DCLK2: variants seen among roughly 807,000 people sequenced by gnomAD.
The protein encoded by DCLK2 is doublecortin like kinase 2, also known as serine/threonine-protein kinase DCLK2.
In DCLK2, 31 loss-of-function variants were observed where a neutral mutation model predicts 78.4. The ratio of observed to expected loss-of-function variants is 0.40; its 90% CI spans 0.30 to 0.53. The LOEUF (loss-of-function observed/expected upper bound fraction) is 0.53, where lower values mean the gene tolerates loss of function less well. Among genes scored for constraint, DCLK2 ranks in the 20% least tolerant of loss-of-function variants. DCLK2 has a pLI of 0.61. For missense variants in DCLK2, 872 were observed against 973.7 expected (o/e 0.90, Z 1.39); for synonymous variants, 407 against 374.9 (o/e 1.09, Z -0.99).
At chr4:150,104,420 A>AAAAAAAAAAAAAAAAAC (rs1364101584) in intron 2 of DCLK2, among the ~76,000 whole-genome samples, 1 of 140,008 alleles carries the variant, frequency 7.1e-6, no homozygotes, top group Non-Finnish European at 1.6e-5. Flanking sequence ...AAAAAAAAAA[A>AAAAAAAAAAAAAAAAAC]AAATCGAGCA....
intron 5 of DCLK2, among the ~76,000 whole-genome samples, chr4:150,208,417 TTTTGTTTTG>T (rs1740018773): frequency 1.3e-5 from 2 of 151,008 alleles, no homozygotes; most frequent in South Asian, 4.2e-4. Context: ...TTTTGTTTTG[TTTTGTTTTG>T]TTTGTTTTGT....
chr4:150,112,677 G>C (rs1045624067), intron 2 of DCLK2, among the ~76,000 whole-genome samples: 2 of 151,612 alleles, frequency 1.3e-5, no homozygotes, highest in African/African-American at 2.4e-5. Flanking sequence ...TGCTTTTTCT[G>C]CATCGATTGA....
chr4:150,256,304 C>T lies in DCLK2; in HGVS notation c.*57C>T, dbSNP rs1368145336. ...CAGCCCAGGAAGCCAGCCCTCTGCT[C>T]GGCCTCGCCGGCCTCCCTGCTGCAG... On this transcript the variant is annotated 3_prime_UTR_variant, in exon 16 of 16. Coordinates refer to ENST00000296550, the MANE Select transcript of DCLK2 (RefSeq NM_001040260.4). 7.6e-6 allele frequency: 11 copies of T among 1,444,572 alleles called. No individual in the cohort carries two copies. The highest frequency in any genetic ancestry group is 2.9e-5 in the African/African-American group (2 of 69,586). The allele number at this position is 1,444,572 out of a possible 1,614,324, so 89.5% of individuals were successfully genotyped here. A position where few individuals can be genotyped will look rare whatever the true frequency, so the allele number is the denominator to read the frequency against.
At chr4:150,175,080 ATT>A (rs1736912337) in intron 2 of DCLK2, among the ~76,000 whole-genome samples, 1 of 7,250 alleles carries the variant, frequency 1.4e-4, no homozygotes, top group African/African-American at 2.8e-4. Flanking sequence ...ATATTTATAT[ATT>A]TATATATATA....
At chr4:150,233,528 G>T (rs1254925151) in intron 10 of DCLK2, among the ~76,000 whole-genome samples, 1 of 152,208 alleles carries the variant, frequency 6.6e-6, no homozygotes, top group Admixed American at 6.5e-5. Context: ...ATAGGAGACA[G>T]GAGTAGAATG....
chr4:150,231,206 A>G lies in DCLK2; in HGVS notation c.1300-1131A>G, dbSNP rs116418935. ...ACTGTTTCCAAGGATAAAGTGTTCA[A>G]ACATTACACAAGTACCTTACACAGC... On this transcript the variant is annotated intron_variant, in intron 8 of 15. Coordinates refer to ENST00000296550, the MANE Select transcript of DCLK2 (RefSeq NM_001040260.4). 3.5e-3 allele frequency among the ~76,000 whole-genome samples: 528 copies of G among 152,342 alleles called. 3 individuals carry two copies. Among genetic ancestry groups the G allele is most frequent in the African/African-American group, 0.012 (508 of 41,584 alleles).
At position 150,081,790 on chromosome 4, in the gene DCLK2, G is replaced by A. The variant is rs567371774; in HGVS notation, c.421+2342G>A. Among the ~76,000 whole-genome samples the A allele has an allele frequency of 2.0e-5, 3 of 149,766 alleles. No homozygotes were observed. In the South Asian group the frequency reaches 6.3e-4, roughly 32 times the overall value. On this transcript the variant is annotated intron_variant, in intron 1 of 15. Coordinates refer to ENST00000296550, the MANE Select transcript of DCLK2 (RefSeq NM_001040260.4). The stretch of plus-strand genomic sequence containing the variant: ...GTGGATCACCTGAGGTCAGGAGTTC[G>A]AGACCAGCCTGACAAACAAGGTGAA...
At chr4:150,159,828 G>A (rs912288819) in intron 2 of DCLK2, among the ~76,000 whole-genome samples, 29 of 152,038 alleles carry the variant, frequency 1.9e-4, no homozygotes, top group African/African-American at 5.3e-4. Context: ...GAGAGAACAC[G>A]TTTTCATATG....
At chr4:150,128,658 A>G (rs7695751) in intron 2 of DCLK2, among the ~76,000 whole-genome samples, 1 of 151,980 alleles carries the variant, frequency 6.6e-6, no homozygotes, top group Non-Finnish European at 1.5e-5. Flanking sequence ...GCTTATGGGA[A>G]GTAGCTCCTA....
chr4:150,105,214 G>GA (rs1731171042), intron 2 of DCLK2, among the ~76,000 whole-genome samples: 1 of 152,054 alleles, frequency 6.6e-6, no homozygotes, highest in African/African-American at 2.4e-5. Context: ...AACGTAATGG[G>GA]AAAATCACAA....
intron 1 of DCLK2, among the ~76,000 whole-genome samples, chr4:150,092,241 G>A (rs1400097221): frequency 6.6e-6 from 1 of 152,044 alleles, no homozygotes; most frequent in Non-Finnish European, 1.5e-5. Flanking sequence ...TCATATCTTA[G>A]CTATTGTGAA....
intron 15 of DCLK2, 86 bp downstream of exon 15, chr4:150,249,770 G>C: frequency 3.7e-6 from 4 of 1,080,226 alleles, no homozygotes; most frequent in Non-Finnish European, 5.7e-6. Flanking sequence ...CCCTCACATG[G>C]AAGTTGGTGC....
intron 2 of DCLK2, among the ~76,000 whole-genome samples, chr4:150,107,029 T>A (rs1228714849): frequency 2.0e-5 from 3 of 152,178 alleles, no homozygotes; most frequent in Non-Finnish European, 2.9e-5. Context: ...CTGAAGTCAT[T>A]TTTTGATTGT....
At chr4:150,161,273 T>C (rs1022906699) in intron 2 of DCLK2, among the ~76,000 whole-genome samples, 3 of 152,210 alleles carry the variant, frequency 2.0e-5, no homozygotes, top group African/African-American at 7.2e-5. Flanking sequence ...GTAATAAATG[T>C]GTTTTCTATT....
chr4:150,220,317 A>G (rs1275424808), intron 5 of DCLK2, among the ~76,000 whole-genome samples: 1 of 152,202 alleles, frequency 6.6e-6, no homozygotes, highest in Non-Finnish European at 1.5e-5. Context: ...AGGAAATAAA[A>G]TGATTAAACT....
chr4:150,169,523 G>A (rs1057220632), intron 2 of DCLK2, among the ~76,000 whole-genome samples: 3 of 152,112 alleles, frequency 2.0e-5, no homozygotes, highest in African/African-American at 7.2e-5. Flanking sequence ...CCAGTGTGGT[G>A]GCAGGCACCT....
At chr4:150,252,196 G>A (rs1001077696) in intron 15 of DCLK2, among the ~76,000 whole-genome samples, 1 of 152,230 alleles carries the variant, frequency 6.6e-6, no homozygotes, top group Non-Finnish European at 1.5e-5. Context: ...CCTTGCGAGA[G>A]CTAGCATTGA....
chr4:150,079,150 G>C lies in DCLK2; in HGVS notation c.123G>C (p.Gly41=), dbSNP rs1729043668. The C allele has an allele frequency of 1.2e-6, 2 of 1,601,402 alleles. No individual in the cohort carries two copies. Among genetic ancestry groups the C allele is most frequent in the Non-Finnish European group, 8.5e-7 (1 of 1,173,984 alleles). The change falls in exon 1 of 16, where the codon GGG becomes GGC. Residue 41 remains glycine (G), a synonymous_variant. Transcript: ENST00000296550. ...GCAGCAGCAGCTCGGGCCCCAAGGG[G>C]AACGGGCTCATCCCCAGTCCGGCGC... is the stretch of plus-strand genomic sequence containing the variant. ...SGGSSSSGPK[G]NGLIPSPAHS... is the part of the protein sequence containing the mutation.
At chr4:150,209,967 C>T (rs573536166) in intron 5 of DCLK2, among the ~76,000 whole-genome samples, 30 of 152,180 alleles carry the variant, frequency 2.0e-4, no homozygotes, top group African/African-American at 6.3e-4. Context: ...CCCAGCTACT[C>T]GGGAGGCTGA....
Sources: gnomAD v4.1 joint callset for allele counts (sites outside exome capture counted in the v4.1 genomes callset) on GRCh38, gnomAD v4.1.1 for gene constraint, MANE v1.5 for transcripts, NCBI Gene and HGNC (gene_info 2026-07-23, HGNC 2026-07-21) for gene names.